The following ROR1 variants were observed in gnomAD, a reference collection of about 807,000 sequenced individuals.
The protein encoded by ROR1 is ROR family WNT receptor 1.
In ROR1, 19 loss-of-function variants were observed where a neutral mutation model predicts 78.8. That is an observed-to-expected ratio of 0.24 (90% CI 0.17 to 0.35). The LOEUF is 0.35. ROR1 is among the 10% of genes least tolerant of loss of function. The pLI, the probability that ROR1 is intolerant of heterozygous loss-of-function variation, is 1.00. For missense variants in ROR1, 917 were observed against 1,177.8 expected (o/e 0.78, Z 3.24); for synonymous variants, 386 against 433.6 (o/e 0.89, Z 1.36).
chr1:64,137,613 G>A (rs879230330), intron 5 of ROR1, 117 bp downstream of exon 5: 1 of 960,090 alleles, frequency 1.0e-6, no homozygotes, highest in Non-Finnish European at 1.5e-6. Flanking sequence ...TTGGGAGCAG[G>A]ACCATAAAAA....
rs944922868 is a variant in ROR1 at position 64,005,776 on chromosome 1, A to T, written c.92-3529A>T. ...ACATAAAATAATCAGCCTTTATTTT[A>T]AAAAAATATGGCCTTGGAAGATATT... On this transcript the variant is annotated intron_variant, in intron 1 of 8. Transcript: ENST00000371079. Among the ~76,000 whole-genome samples, 6 of 152,202 alleles carry T rather than the reference A, an allele frequency of 3.9e-5. No individual in the cohort carries two copies. In the East Asian group the frequency reaches 7.7e-4, roughly 20 times the overall value.
intron 1 of ROR1, among the ~76,000 whole-genome samples, chr1:63,861,463 C>G (rs1235185655): frequency 1.3e-5 from 2 of 152,124 alleles, no homozygotes; most frequent in Non-Finnish European, 2.9e-5. Context: ...AGTGTTGTGT[C>G]TCTAGGAAGG....
rs1208813882 is a variant in ROR1 at position 64,014,740 on chromosome 1, C to CTATATATATATATATA, written c.163+5383_163+5398dup. On this transcript the variant is annotated intron_variant, in intron 2 of 8. Transcript: ENST00000371079. The stretch of plus-strand genomic sequence containing the variant: ...ATATATATATATACACATACGCACA[C>CTATATATATATATATA]TATATATATATATATATATATATAT... 8.6e-3 allele frequency among the ~76,000 whole-genome samples: 248 copies of CTATATATATATATATA among 28,984 alleles called. 12 individuals are homozygous for CTATATATATATATATA. The highest frequency in any genetic ancestry group is 0.019 in the African/African-American group (169 of 8,944). 19.0% of individuals were successfully genotyped at this position (28,984 alleles called of 152,430 possible). A position where few individuals can be genotyped will look rare whatever the true frequency, so the allele number is the denominator to read the frequency against.
chr1:64,142,683 A>G (rs1206111953), intron 7 of ROR1, 33 bp downstream of exon 7: 17 of 1,610,782 alleles, frequency 1.1e-5, no homozygotes, highest in Admixed American at 3.3e-5. Context: ...AATGTATTCA[A>G]TCATCTTTAA....
intron 2 of ROR1, among the ~76,000 whole-genome samples, chr1:64,047,650 A>G (rs935179071): frequency 2.0e-5 from 3 of 152,250 alleles, no homozygotes; most frequent in African/African-American, 7.2e-5. Context: ...TAAAGGCATG[A>G]TAATGGCTCC....
chr1:64,030,727 A>G (rs1470338108), intron 2 of ROR1, among the ~76,000 whole-genome samples: 1 of 152,214 alleles, frequency 6.6e-6, no homozygotes, highest in East Asian at 1.9e-4. Context: ...TATCCCTGAC[A>G]TAGACTTAAT....
At chr1:64,003,315 A>G (rs188173418) in intron 1 of ROR1, among the ~76,000 whole-genome samples, 129 of 152,316 alleles carry the variant, frequency 8.5e-4, no homozygotes, top group Non-Finnish European at 1.5e-4. Context: ...TATAAGAATT[A>G]TGCTGATTAC....
intron 1 of ROR1, among the ~76,000 whole-genome samples, chr1:63,982,885 G>A (rs1218832701): frequency 6.6e-6 from 1 of 152,028 alleles, no homozygotes; most frequent in Non-Finnish European, 1.5e-5. Context: ...AATTTAATCT[G>A]TCTGTGCTTT....
chr1:64,138,371 T>C (rs1332752053), intron 5 of ROR1, among the ~76,000 whole-genome samples: 1 of 152,134 alleles, frequency 6.6e-6, no homozygotes, highest in Non-Finnish European at 1.5e-5. Flanking sequence ...TTATCTGAAA[T>C]TAAAATGTAA....
chr1:63,909,180 GA>G (rs1250472066), intron 1 of ROR1, among the ~76,000 whole-genome samples: 6 of 152,022 alleles, frequency 3.9e-5, no homozygotes, highest in African/African-American at 1.4e-4. Context: ...TCCACCCTGG[GA>G]ACCCCACCCC....
chr1:64,049,624 A>T (rs1178386259), intron 2 of ROR1, 67 bp from the exon 3 acceptor site: 2 of 1,418,266 alleles, frequency 1.4e-6, no homozygotes, highest in African/African-American at 1.4e-5. Flanking sequence ...ACTGGAGGGG[A>T]TTTGGCTGCT....
In ROR1 at chr1:64,053,724, A is replaced by G. The variant is rs1273597070; in HGVS notation, c.482+3008A>G. The stretch of plus-strand genomic sequence containing the variant: ...TTTAAATGATTAAGAGCCAGGAACT[A>G]TGAAAAATGGCTATTTTAATCATTG... On this transcript the variant is annotated intron_variant, in intron 4 of 8. Coordinates refer to ENST00000371079, the MANE Select transcript of ROR1 (RefSeq NM_005012.4). 2.0e-5 allele frequency among the ~76,000 whole-genome samples: 3 copies of G among 152,228 alleles called. No individual in the cohort carries two copies. The East Asian group carries it at 5.8e-4, about 29-fold the overall frequency.
At chr1:63,786,682 T>G (rs1644690723) in intron 1 of ROR1, among the ~76,000 whole-genome samples, 1 of 148,280 alleles carries the variant, frequency 6.7e-6, no homozygotes, top group African/African-American at 2.5e-5. Context: ...TCCTCCCACA[T>G]CTTTCCTGAG....
chr1:63,827,276 G>A (rs1388631818), intron 1 of ROR1, among the ~76,000 whole-genome samples: 1 of 152,152 alleles, frequency 6.6e-6, no homozygotes, highest in Non-Finnish European at 1.5e-5. Flanking sequence ...CTGCAGAGAA[G>A]CTCTTTAGTT....
At chr1:63,964,831 A>G (rs1039039138) in intron 1 of ROR1, among the ~76,000 whole-genome samples, 4 of 152,146 alleles carry the variant, frequency 2.6e-5, no homozygotes, top group African/African-American at 9.7e-5. Context: ...GTGTCTGAGC[A>G]CCTGGTTATG....
At chr1:63,949,764 G>C (rs150189151) in intron 1 of ROR1, among the ~76,000 whole-genome samples, 4 of 152,064 alleles carry the variant, frequency 2.6e-5, no homozygotes, top group Admixed American at 6.6e-5. Flanking sequence ...TTTCTCAAAG[G>C]GGGTAGCCCG....
At chr1:64,166,555 C>T (rs977353335) in intron 8 of ROR1, among the ~76,000 whole-genome samples, 1 of 151,918 alleles carries the variant, frequency 6.6e-6, no homozygotes. Context: ...GACTACAGCT[C>T]TTTTAATGAA....
chr1:64,138,383 C>G (rs193030134), intron 5 of ROR1, among the ~76,000 whole-genome samples: 3 of 151,910 alleles, frequency 2.0e-5, no homozygotes, highest in African/African-American at 4.8e-5. Context: ...AAAATGTAAC[C>G]GTTGTCTTTT....
intron 2 of ROR1, among the ~76,000 whole-genome samples, chr1:64,034,030 G>C (rs1034471938): frequency 1.3e-5 from 2 of 152,288 alleles, no homozygotes; most frequent in Non-Finnish European, 2.9e-5. Flanking sequence ...CATTCAGGCA[G>C]CTGGAGCAGT....
Sources: gnomAD v4.1 joint callset for allele counts (sites outside exome capture counted in the v4.1 genomes callset) on GRCh38, gnomAD v4.1.1 for gene constraint, MANE v1.5 for transcripts, NCBI Gene and HGNC (gene_info 2026-07-23, HGNC 2026-07-21) for gene names.